The following NLRP7 variants were observed in gnomAD, a reference collection of about 807,000 sequenced individuals.
The protein encoded by NLRP7 is NLR family pyrin domain containing 7, also known as NACHT, LRR and PYD domains-containing protein 7.
NLRP7 carries 72 observed loss-of-function variants against 85.5 expected under a neutral mutation model. The ratio of observed to expected loss-of-function variants is 0.84; its 90% confidence interval spans 0.70 to 1.02. The LOEUF (loss-of-function observed/expected upper bound fraction) is 1.02, where lower values mean the gene tolerates loss of function less well. NLRP7 is among the 50% of genes least tolerant of loss of function. The pLI, the probability that NLRP7 is intolerant of heterozygous loss-of-function variation, is 0.00. For synonymous variants in NLRP7, 550 were observed against 505.2 expected (o/e 1.09, Z -1.19); for missense variants, 1,243 against 1,219.5 (o/e 1.02, Z -0.29).
chr19:54,943,007 T>C, intron 1 of NLRP7, among the ~76,000 whole-genome samples: 1 of 151,288 alleles, frequency 6.6e-6, no homozygotes, highest in Admixed American at 6.6e-5. Flanking sequence ...GCTAGCCAAG[T>C]GTAGTGGTAG....
chr19:54,938,353 A>C, intron 4 of NLRP7, 112 bp from the exon 5 acceptor site: 3 of 819,456 alleles, frequency 3.7e-6, no homozygotes, highest in Non-Finnish European at 6.3e-6. Context: ...ACCAACCTAA[A>C]ACAGTGTCTA....
At chr19:54,927,855 G>T in intron 9 of NLRP7, 80 bp from the exon 10 acceptor site, 1 of 1,293,138 alleles carries the variant, frequency 7.7e-7, no homozygotes, top group Non-Finnish European at 1.1e-6. Flanking sequence ...ACTTCGGGAG[G>T]CCAAGGCGGG....
At chr19:54,963,865 A>G (rs1254759873) in intron 1 of NLRP7, among the ~76,000 whole-genome samples, 1 of 150,040 alleles carries the variant, frequency 6.7e-6, no homozygotes, top group Non-Finnish European at 1.5e-5. Context: ...CATGAAAAAA[A>G]GCTATAAAAC....
In NLRP7 at chr19:54,936,239, G is replaced by A. The variant is rs187469976; in HGVS notation, c.2300+22C>T. 156 of 1,608,478 alleles carry A rather than the reference G, an allele frequency of 9.7e-5. No individual in the cohort carries two copies. In the East Asian group the frequency reaches 3.3e-3, roughly 34 times the overall value. ...TGCAGTGGACTCCAGGTGCTGGGGA[G>A]AGCCGTGACCGTGAGACCCACCTCA... On this transcript the variant is annotated intron_variant, in intron 6 of 9. Transcript: ENST00000340844.
chr19:54,941,931 C>T (rs1415725801), intron 1 of NLRP7, among the ~76,000 whole-genome samples, 181 bp from the exon 2 acceptor site: 4 of 151,586 alleles, frequency 2.6e-5, no homozygotes, highest in African/African-American at 7.3e-5. Flanking sequence ...GCCAGGAGTT[C>T]GAGACCAGCC....
chr19:54,960,365 A>G (rs1471256745), intron 1 of NLRP7, among the ~76,000 whole-genome samples: 1 of 151,658 alleles, frequency 6.6e-6, no homozygotes, highest in African/African-American at 2.4e-5. Context: ...CATGTTGGCC[A>G]GGCTAGTCTC....
upstream of NLRP7, among the ~76,000 whole-genome samples, chr19:54,952,017 G>T (rs1346557678): frequency 6.6e-6 from 1 of 152,102 alleles, no homozygotes; most frequent in African/African-American, 2.4e-5. Flanking sequence ...CTCCCAAAGT[G>T]CTGGGATTAC....
At chr19:54,956,693 CAA>C (rs370229007) in intron 1 of NLRP7, among the ~76,000 whole-genome samples, 15 of 118,412 alleles carry the variant, frequency 1.3e-4, no homozygotes, top group Admixed American at 1.8e-4. Context: ...GACTCTCCCT[CAA>C]AAAAAAAAAA....
chr19:54,937,304 T>C (rs990898149), intron 5 of NLRP7, among the ~76,000 whole-genome samples: 4 of 151,650 alleles, frequency 2.6e-5, no homozygotes, highest in African/African-American at 9.7e-5. Flanking sequence ...AAATAATCTG[T>C]ACAACAAACT....
intron 9 of NLRP7, among the ~76,000 whole-genome samples, chr19:54,925,638 G>T (rs2068397590): frequency 6.6e-6 from 1 of 152,094 alleles, no homozygotes; most frequent in Admixed American, 6.6e-5. Context: ...CAGTGCAGCA[G>T]AGCAAAACGT....
Position 54,939,434 on chromosome 19 carries a change from C to A in NLRP7, c.1385G>T (p.Gly462Val), listed in dbSNP as rs146205567. ...GCTGAGGTGGATGAAGGAGTAGCAGCCTTTGGAGACTCTGTCCTGGCGGAG... is the reference window on the plus strand; with the variant it reads ...GCTGAGGTGGATGAAGGAGTAGCAGACTTTGGAGACTCTGTCCTGGCGGAG... The change falls in exon 4 of 10, where the codon GGC becomes GTC. Residue 462 changes from glycine (G) to valine (V), a missense_variant. Coordinates refer to ENST00000340844, the Ensembl canonical transcript of NLRP7. The A allele has an allele frequency of 4.8e-5, 78 of 1,613,756 alleles. No individual in the cohort carries two copies. The African/African-American group carries it at 9.2e-4, about 19-fold the overall frequency.
intron 8 of NLRP7, among the ~76,000 whole-genome samples, chr19:54,932,794 T>C (rs550566535): frequency 7.9e-5 from 12 of 152,202 alleles, no homozygotes; most frequent in African/African-American, 2.9e-4. Flanking sequence ...TAGCTGGTAC[T>C]ATAGGCACGC....
upstream of NLRP7, among the ~76,000 whole-genome samples, chr19:54,952,315 G>A (rs115091675): frequency 2.6e-5 from 4 of 151,920 alleles, no homozygotes; most frequent in South Asian, 6.2e-4. Flanking sequence ...AGCCCCGGCC[G>A]GGTGCAGAGG....
intron 1 of NLRP7, among the ~76,000 whole-genome samples, chr19:54,964,174 C>T (rs1350355434): frequency 2.0e-5 from 3 of 147,206 alleles, no homozygotes; most frequent in Non-Finnish European, 3.0e-5. Context: ...CCACCGCGCC[C>T]GGCCAAAACC....
At chr19:54,953,785 A>C (rs1396081617) in intron 1 of NLRP7, among the ~76,000 whole-genome samples, 5 of 150,650 alleles carry the variant, frequency 3.3e-5, no homozygotes, top group Admixed American at 3.3e-4. Flanking sequence ...GGTGGATCAC[A>C]CGGTCAGGAG....
chr19:54,953,787 G>T (rs896770562), intron 1 of NLRP7, among the ~76,000 whole-genome samples: 2 of 151,578 alleles, frequency 1.3e-5, no homozygotes, highest in South Asian at 2.1e-4. Context: ...TGGATCACAC[G>T]GTCAGGAGAT....
intron 1 of NLRP7, among the ~76,000 whole-genome samples, chr19:54,957,662 G>A (rs1429656921): frequency 6.6e-6 from 1 of 152,084 alleles, no homozygotes; most frequent in African/African-American, 2.4e-5. Context: ...ACTCCTTTCT[G>A]TAGCTCAGGC....
chr19:54,926,228 G>GTGTGTGTGCA (rs1472979049), intron 9 of NLRP7, among the ~76,000 whole-genome samples: 1 of 127,112 alleles, frequency 7.9e-6, no homozygotes, highest in Non-Finnish European at 1.7e-5. Context: ...GTGTGTGTGT[G>GTGTGTGTGCA]CTCATGCACA....
intron 9 of NLRP7, 28 bp from the exon 11 acceptor site, chr19:54,923,900 C>G (rs768521617): frequency 2.2e-6 from 3 of 1,336,726 alleles, no homozygotes; most frequent in Non-Finnish European, 3.0e-6. Flanking sequence ...CACAAATGTT[C>G]CCAGAAATTC....
Sources: gnomAD v4.1 joint callset for allele counts (sites outside exome capture counted in the v4.1 genomes callset) on GRCh38, gnomAD v4.1.1 for gene constraint, MANE v1.5 for transcripts, NCBI Gene and HGNC (gene_info 2026-07-23, HGNC 2026-07-21) for gene names.